Variants in MAST4 observed in about 807,000 individuals in gnomAD.
The protein encoded by MAST4 is microtubule associated serine/threonine kinase family member 4.
Under a neutral mutation model 162.7 loss-of-function variants are expected in MAST4, and 89 were observed. The ratio of observed to expected loss-of-function variants is 0.55; its 90% CI spans 0.46 to 0.65. MAST4 has a LOEUF of 0.65. Ranked by LOEUF, MAST4 falls within the 30% of genes least tolerant of loss-of-function variation. The probability of loss-of-function intolerance (pLI) is 0.00; values close to 1 mark genes in which losing one functional copy is unlikely to be tolerated. For synonymous variants in MAST4, 1,479 were observed against 1,361.1 expected (o/e 1.09, Z -1.91); for missense variants, 3,153 against 3,374.0 (o/e 0.93, Z 1.62).
chr5:66,677,940 C>G (rs1308783839), intron 1 of MAST4, among the ~76,000 whole-genome samples: 1 of 152,096 alleles, frequency 6.6e-6, no homozygotes, highest in African/African-American at 2.4e-5. Flanking sequence ...TCCCCCTCCC[C>G]TTAAGATCAG....
chr5:66,792,819 A>G (rs1046028499), intron 3 of MAST4, among the ~76,000 whole-genome samples: 10 of 152,180 alleles, frequency 6.6e-5, no homozygotes, highest in Non-Finnish European at 1.3e-4. Flanking sequence ...ATATAGTCAC[A>G]TTTGTTTATA....
intron 1 of MAST4, among the ~76,000 whole-genome samples, chr5:66,750,954 C>T (rs1180001581): frequency 6.6e-6 from 1 of 152,232 alleles, no homozygotes; most frequent in Admixed American, 6.5e-5. Context: ...GATCTGAGAA[C>T]AGGCAGACTG....
chr5:66,685,737 A>T (rs1175813373), intron 1 of MAST4, among the ~76,000 whole-genome samples: 1 of 152,100 alleles, frequency 6.6e-6, no homozygotes, highest in African/African-American at 2.4e-5. Flanking sequence ...CTTTCTACTA[A>T]AGTTTGCTTC....
At chr5:66,803,031 C>G (rs1219738311) in intron 3 of MAST4, among the ~76,000 whole-genome samples, 2 of 152,302 alleles carry the variant, frequency 1.3e-5, no homozygotes, top group South Asian at 4.1e-4. Context: ...GGACTGAATT[C>G]TAGTACTGAC....
At position 67,142,220 on chromosome 5, in the gene MAST4, A is replaced by G; in HGVS notation, c.2600A>G (p.Asp867Gly). The G allele has an allele frequency of 6.2e-7, 1 of 1,613,854 alleles. No individual in the cohort carries two copies. Among genetic ancestry groups the G allele is most frequent in the Non-Finnish European group, 8.5e-7 (1 of 1,179,826 alleles). Residue 867 changes from aspartate (D) to glycine (G), a missense_variant, in exon 20 of 29, where the codon GAC becomes GGC. Transcript: ENST00000403625. The part of the protein sequence containing the change: ...EFIPQLESED[D>G]TSYFDTRSEK... Reference sequence around the variant, plus strand: ...ATTCCCCAACTGGAATCTGAGGATGACACAAGTTATTTTGATAGTATGTGC... The same window carrying G: ...ATTCCCCAACTGGAATCTGAGGATGGCACAAGTTATTTTGATAGTATGTGC...
intron 3 of MAST4, among the ~76,000 whole-genome samples, chr5:66,881,307 C>G (rs1310649353): frequency 6.6e-6 from 1 of 152,114 alleles, no homozygotes; most frequent in African/African-American, 2.4e-5. Context: ...TCAGAACATG[C>G]ATAAGATAAA....
At chr5:66,892,214 G>A (rs1037018649) in intron 3 of MAST4, among the ~76,000 whole-genome samples, 13 of 152,218 alleles carry the variant, frequency 8.5e-5, no homozygotes, top group African/African-American at 3.1e-4. Context: ...CCTTGAGATT[G>A]AAGGTAGTAT....
chr5:66,904,046 G>A (rs1355655444), intron 4 of MAST4, among the ~76,000 whole-genome samples: 1 of 152,172 alleles, frequency 6.6e-6, no homozygotes, highest in African/African-American at 2.4e-5. Flanking sequence ...TAACGAATTT[G>A]TACTGTCTGT....
At position 67,166,265 on chromosome 5, in the gene MAST4, C is replaced by T. The variant is rs777078851; in HGVS notation, c.7086C>T (p.Ala2362=). 1.9e-5 allele frequency: 29 copies of T among 1,554,268 alleles called. No individual in the cohort carries two copies. The highest frequency in any genetic ancestry group is 2.5e-5 in the Non-Finnish European group (29 of 1,148,446). ...CAGACAAAAGCCCGAGTCAGCCGGC[C>T]GCCAACACCGACAGAAGGGCGGAAG... ...RQTDKSPSQP[A]ANTDRRAEGK... Residue 2362 remains alanine, a synonymous_variant, in exon 29 of 29, where the codon GCC becomes GCT. Coordinates refer to ENST00000403625, the MANE Select transcript of MAST4 (RefSeq NM_001164664.2).
intron 3 of MAST4, among the ~76,000 whole-genome samples, chr5:66,837,898 T>A (rs1173225052): frequency 0.01 from 271 of 26,932 alleles, 1 homozygote; most frequent in East Asian, 0.03. Context: ...ATATATATTT[T>A]TTTTTTTTTT....
chr5:66,609,576 TG>T (rs1194612783), intron 1 of MAST4, among the ~76,000 whole-genome samples: 3 of 151,218 alleles, frequency 2.0e-5, no homozygotes, highest in African/African-American at 7.3e-5. Context: ...TTTTAAATAC[TG>T]GGTTTTGCCA....
chr5:67,159,390 C>G (rs1162819135), intron 26 of MAST4, among the ~76,000 whole-genome samples: 1 of 151,912 alleles, frequency 6.6e-6, no homozygotes, highest in Non-Finnish European at 1.5e-5. Flanking sequence ...TGGATTACTT[C>G]CCAAATCAAG....
At chr5:66,965,467 T>C (rs1183427749) in intron 4 of MAST4, among the ~76,000 whole-genome samples, 1 of 151,216 alleles carries the variant, frequency 6.6e-6, no homozygotes, top group African/African-American at 2.4e-5. Context: ...AGTGCTAAGG[T>C]AGTGCAGAGG....
rs750796760 is a variant in MAST4, at chr5:67,165,040, G to A, written c.5861G>A (p.Arg1954His). Reference sequence around the variant, plus strand: ...CACAGCCCTGACCTGGCCAGGCCACGCTGCCCGCTCCCACCTGAAGCTTCC... The same window carrying A: ...CACAGCCCTGACCTGGCCAGGCCACACTGCCCGCTCCCACCTGAAGCTTCC... ...NLHSPDLARP[R>H]CPLPPEASPS... The change falls in exon 29 of 29, where the codon CGC (arginine) becomes CAC (histidine). Residue 1954 changes from arginine to histidine, a missense_variant. This residue lies in a region of MAST4 where 1,644 missense variants were observed against 1,495.0 expected (regional missense o/e 1.10). Transcript: ENST00000403625. 4 of 1,608,764 alleles carry A rather than the reference G, an allele frequency of 2.5e-6. No individual in the cohort carries two copies. Among genetic ancestry groups the A allele is most frequent in the Non-Finnish European group, 2.5e-6 (3 of 1,177,518 alleles).
At chr5:66,935,671 TTTC>T (rs372009062) in intron 4 of MAST4, among the ~76,000 whole-genome samples, 5,873 of 147,196 alleles carry the variant, frequency 0.04, 142 homozygotes, top group Middle Eastern at 0.062. Context: ...TCTTTCTTTC[TTTC>T]TTTTTTTTTT....
At chr5:67,114,431 C>T (rs986701519) in intron 12 of MAST4, 9 of 517,540 alleles carry the variant, frequency 1.7e-5, no homozygotes, top group African/African-American at 4.0e-5. Flanking sequence ...CTACCTAGAG[C>T]GTGGGTCAGG....
rs370951672 is a variant in MAST4, at chr5:67,163,911, C to G, written c.4732C>G (p.Pro1578Ala). The change falls in exon 29 of 29, where the codon CCG (proline) becomes GCG (alanine). Residue 1578 changes from proline to alanine, a missense_variant. Pro to Ala is a conservative substitution (Grantham distance 27). This residue lies in a region of MAST4 where 1,644 missense variants were observed against 1,495.0 expected (regional missense o/e 1.10). Transcript: ENST00000403625. This position sits in a 1 kb window ranked among gnomAD's most constrained non-coding sequence, Gnocchi z 7.0. The stretch of plus-strand genomic sequence containing the variant: ...GGAAGAGAGAGAGAAGAAAGTCTAT[C>G]CGAAGGCTGTGGAAAGGTCAAGTAC... Reference protein sequence around the residue: ...KLEEREKKVYPKAVERSSTFE... With the variant: ...KLEEREKKVYAKAVERSSTFE... 32 of 1,613,890 alleles carry G rather than the reference C, an allele frequency of 2.0e-5. No individual in the cohort carries two copies. In the African/African-American group the frequency reaches 3.7e-4, roughly 19 times the overall value.
chr5:66,606,743 T>C (rs1335641069), intron 1 of MAST4, among the ~76,000 whole-genome samples: 2 of 152,118 alleles, frequency 1.3e-5, no homozygotes, highest in Non-Finnish European at 2.9e-5. Context: ...AACTCAAATC[T>C]TGCAACAGGG....
chr5:66,669,982 T>C (rs957627469), intron 1 of MAST4, among the ~76,000 whole-genome samples: 1 of 152,202 alleles, frequency 6.6e-6, no homozygotes, highest in African/African-American at 2.4e-5. Flanking sequence ...TAGGAATAAA[T>C]GACAAGAGGT....
Sources: gnomAD v4.1 joint callset for allele counts (sites outside exome capture counted in the v4.1 genomes callset) on GRCh38, gnomAD v4.1.1 for gene constraint, gnomAD v4.1.1 regional missense constraint, Gnocchi (gnomAD v3.1) non-coding constraint, MANE v1.5 for transcripts, NCBI Gene and HGNC (gene_info 2026-07-23, HGNC 2026-07-21) for gene names.